Variants in SLX4IP observed in about 807,000 individuals in gnomAD.
The protein encoded by SLX4IP is protein SLX4IP.
Under a neutral mutation model 32.9 loss-of-function variants are expected in SLX4IP, and 34 were observed. The observed-to-expected ratio is 1.03, with a 90% confidence interval of 0.79 to 1.38. The LOEUF is 1.38. SLX4IP is among the 40% of genes most tolerant of loss of function. SLX4IP has a pLI of 0.00. For synonymous variants in SLX4IP, 172 were observed against 171.7 expected, an observed-to-expected ratio of 1.00 and a Z score of -0.01; for missense variants, 444 against 479.0, an observed-to-expected ratio of 0.93 and a Z score of 0.68.
At chr20:10,465,893 T>C (rs6077808) in intron 2 of SLX4IP, among the ~76,000 whole-genome samples, 74,918 of 152,094 alleles carry the variant, frequency 0.49, 19,938 homozygotes, top group Non-Finnish European at 0.6. Context: ...ATCGGCTGTA[T>C]TGGCCAACAC....
chr20:10,487,056 C>T (rs667674), intron 2 of SLX4IP, among the ~76,000 whole-genome samples: 3 of 151,828 alleles, frequency 2.0e-5, no homozygotes, highest in African/African-American at 4.8e-5. Flanking sequence ...GGATTAGAGC[C>T]GCCTGCACGC....
intron 6 of SLX4IP, among the ~76,000 whole-genome samples, chr20:10,619,750 T>C (rs2067085573): frequency 6.6e-6 from 1 of 152,198 alleles, no homozygotes; most frequent in African/African-American, 2.4e-5. Flanking sequence ...ATAGGGCATG[T>C]TTAGAAGTGT....
At chr20:10,575,918 A>G (rs2066518464) in intron 4 of SLX4IP, among the ~76,000 whole-genome samples, 1 of 152,140 alleles carries the variant, frequency 6.6e-6, no homozygotes, top group African/African-American at 2.4e-5. Flanking sequence ...GAGCCCTTTG[A>G]TTTTGAAGTG....
chr20:10,435,545 T>A (rs1413743876), intron 1 of SLX4IP, 92 bp downstream of exon 1: 2 of 152,270 alleles, frequency 1.3e-5, no homozygotes, highest in Non-Finnish European at 2.9e-5. Flanking sequence ...TGGCTTTGAT[T>A]TTTTGAGACT....
chr20:10,482,288 C>CT (rs919182877), intron 2 of SLX4IP, among the ~76,000 whole-genome samples: 10 of 152,110 alleles, frequency 6.6e-5, no homozygotes, highest in Non-Finnish European at 1.0e-4. Flanking sequence ...GGACATGTGC[C>CT]TTTTTGCATT....
At chr20:10,536,273 A>C (rs2066043114) in intron 2 of SLX4IP, among the ~76,000 whole-genome samples, 1 of 152,152 alleles carries the variant, frequency 6.6e-6, no homozygotes, top group Non-Finnish European at 1.5e-5. Flanking sequence ...TATGCCTGTA[A>C]TGGCAGCATT....
intron 2 of SLX4IP, among the ~76,000 whole-genome samples, chr20:10,479,352 C>CTTT (rs764474218): frequency 7.2e-4 from 53 of 73,732 alleles, no homozygotes; most frequent in African/African-American, 1.8e-3. Flanking sequence ...TTCCATATTT[C>CTTT]TTTTTTTTTT....
rs549438312 is a variant in SLX4IP, at chr20:10,524,139, A to C, written c.28-32092A>C. ...ACGGCAGCAGGCCTGGGCCAGCCCC[A>C]GTGCTTTGTGATGGAAGAGAGCTGC... On this transcript the variant is annotated intron_variant, in intron 2 of 7. Transcript: ENST00000334534. 2.6e-5 allele frequency among the ~76,000 whole-genome samples: 4 copies of C among 152,240 alleles called. No homozygotes were observed. The South Asian group carries it at 8.3e-4, about 31-fold the overall frequency.
At chr20:10,465,421 C>T (rs1274401195) in intron 2 of SLX4IP, among the ~76,000 whole-genome samples, 1 of 152,174 alleles carries the variant, frequency 6.6e-6, no homozygotes, top group East Asian at 1.9e-4. Context: ...AAACAAAGAC[C>T]TTATTGCTTG....
At chr20:10,589,594 G>A (rs1237197207) in intron 4 of SLX4IP, among the ~76,000 whole-genome samples, 1 of 152,140 alleles carries the variant, frequency 6.6e-6, no homozygotes, top group East Asian at 1.9e-4. Context: ...GGCAACCAGG[G>A]ATCAGTGGGG....
chr20:10,572,299 A>G (rs1667298769), intron 4 of SLX4IP, among the ~76,000 whole-genome samples: 1 of 152,212 alleles, frequency 6.6e-6, no homozygotes, highest in Non-Finnish European at 1.5e-5. Flanking sequence ...TGGTATCCCT[A>G]TTAAGGAGAG....
intron 4 of SLX4IP, among the ~76,000 whole-genome samples, chr20:10,589,544 T>C (rs1384602884): frequency 2.0e-5 from 3 of 152,246 alleles, no homozygotes; most frequent in Middle Eastern, 3.4e-3. Flanking sequence ...GCTAGTGGAA[T>C]AAAGTGAGTC....
chr20:10,552,016 C>A (rs1283829515), intron 2 of SLX4IP, among the ~76,000 whole-genome samples: 5 of 152,138 alleles, frequency 3.3e-5, no homozygotes, highest in African/African-American at 1.2e-4. Context: ...TGTGTGAGAA[C>A]GCTCTAAAAA....
intron 1 of SLX4IP, among the ~76,000 whole-genome samples, chr20:10,440,969 CTGT>C (rs2065155773): frequency 6.6e-6 from 1 of 152,138 alleles, no homozygotes; most frequent in Admixed American, 6.5e-5. Context: ...GAAATAGAAA[CTGT>C]TGTTATTATC....
intron 2 of SLX4IP, among the ~76,000 whole-genome samples, chr20:10,469,998 A>G (rs2065411595): frequency 6.6e-6 from 1 of 152,238 alleles, no homozygotes; most frequent in South Asian, 2.1e-4. Flanking sequence ...AAGCATTCTC[A>G]GAGTGACACA....
At chr20:10,477,392 C>T (rs546955318) in intron 2 of SLX4IP, among the ~76,000 whole-genome samples, 1 of 152,270 alleles carries the variant, frequency 6.6e-6, no homozygotes, top group East Asian at 1.9e-4. Flanking sequence ...GATCTGCTCA[C>T]GTTGGCCTCC....
At chr20:10,593,154 A>T (rs1258696601) in intron 4 of SLX4IP, among the ~76,000 whole-genome samples, 1 of 152,186 alleles carries the variant, frequency 6.6e-6, no homozygotes, top group Non-Finnish European at 1.5e-5. Context: ...ATTATGACAA[A>T]GTGCCCTTTC....
chr20:10,454,640 A>T (rs1354942707), intron 1 of SLX4IP, among the ~76,000 whole-genome samples: 1 of 152,188 alleles, frequency 6.6e-6, no homozygotes, highest in Non-Finnish European at 1.5e-5. Context: ...CATTTTATTT[A>T]TCTGTTCATT....
At chr20:10,540,100 C>CTTCCT (rs1555813077) in intron 2 of SLX4IP, among the ~76,000 whole-genome samples, 2 of 17,642 alleles carry the variant, frequency 1.1e-4, no homozygotes, top group Admixed American at 6.1e-4. Context: ...CCTTCCTTTC[C>CTTCCT]TTCCTTCCTT....
Sources: allele counts gnomAD v4.1 joint callset (sites outside exome capture counted in the v4.1 genomes callset), GRCh38; gene constraint gnomAD v4.1.1; transcripts MANE v1.5; gene names NCBI Gene and HGNC (gene_info 2026-07-23, HGNC 2026-07-21).